ATF6: variants seen among roughly 807,000 people sequenced by gnomAD.
ATF6 encodes cyclic AMP-dependent transcription factor ATF-6 alpha.
In ATF6, 53 loss-of-function variants were observed where a neutral mutation model predicts 83.6. That is an observed-to-expected ratio of 0.63 (90% CI 0.51 to 0.80). The LOEUF is 0.80. Among genes scored for constraint, ATF6 ranks in the 30% least tolerant of loss-of-function variants. The pLI, the probability that ATF6 is intolerant of heterozygous loss-of-function variation, is 0.00. For missense variants in ATF6, 744 were observed against 797.9 expected (o/e 0.93, Z 0.81); for synonymous variants, 288 against 285.8 (o/e 1.01, Z -0.08).
chr1:161,783,933 A>G, intron 3 of ATF6, 57 bp from the exon 4 acceptor site: 1 of 1,238,920 alleles, frequency 8.1e-7, no homozygotes, highest in African/African-American at 1.5e-5. Context: ...TTTCTTGTTC[A>G]TTTTATTATA....
chr1:161,794,443 T>C (rs1283919545), intron 6 of ATF6, among the ~76,000 whole-genome samples: 2 of 152,162 alleles, frequency 1.3e-5, no homozygotes. Flanking sequence ...CTTCACAATT[T>C]GGCTCTAGTT....
intron 14 of ATF6, chr1:161,891,528 A>G (rs573828679): frequency 2.0e-5 from 3 of 152,352 alleles, no homozygotes; most frequent in East Asian, 3.9e-4. Context: ...TTATCGCTGC[A>G]CTGTAGCAGA....
chr1:161,854,343 G>T (rs932960595), intron 12 of ATF6, among the ~76,000 whole-genome samples: 1 of 152,160 alleles, frequency 6.6e-6, no homozygotes, highest in African/African-American at 2.4e-5. Flanking sequence ...GAAATTCTTT[G>T]CTTCTTGCTT....
At chr1:161,797,385 C>G (rs995161818) in intron 6 of ATF6, among the ~76,000 whole-genome samples, 1 of 152,132 alleles carries the variant, frequency 6.6e-6, no homozygotes, top group African/African-American at 2.4e-5. Context: ...CAAACTACCT[C>G]TCTTCACAGA....
intron 15 of ATF6, among the ~76,000 whole-genome samples, chr1:161,918,260 A>AT (rs1361415380): frequency 6.6e-6 from 1 of 152,038 alleles, no homozygotes; most frequent in Non-Finnish European, 1.5e-5. Flanking sequence ...GTTTAATAAT[A>AT]TTTTATATAA....
chr1:161,847,826 G>T (rs560961407), intron 10 of ATF6, among the ~76,000 whole-genome samples: 1 of 152,146 alleles, frequency 6.6e-6, no homozygotes, highest in South Asian at 2.1e-4. Context: ...AATAGAACAA[G>T]TTATGGATTG....
intron 7 of ATF6, among the ~76,000 whole-genome samples, chr1:161,818,044 C>T (rs954780046): frequency 4.2e-5 from 6 of 142,524 alleles, no homozygotes; most frequent in Admixed American, 7.3e-5. Context: ...GAGCTTGCAG[C>T]GGGCCGAGAT....
At position 161,837,941 on chromosome 1, in the gene ATF6, C is replaced by T. The variant is rs376697961; in HGVS notation, c.1188-8508C>T. Among the ~76,000 whole-genome samples the T allele has an allele frequency of 1.2e-3, 183 of 152,222 alleles. 1 individual carries two copies. The highest frequency in any genetic ancestry group is 6.8e-3 in the Middle Eastern group (2 of 294). On this transcript the variant is annotated intron_variant, in intron 9 of 15. Coordinates refer to ENST00000367942, the MANE Select transcript of ATF6 (RefSeq NM_007348.4). ...ATTCCTGATTTACAGATGAGGAAAC[C>T]GAAGACACAGCTAATATGTGGCAGA...
At chr1:161,895,541 G>A (rs1407688279) in intron 14 of ATF6, among the ~76,000 whole-genome samples, 1 of 152,114 alleles carries the variant, frequency 6.6e-6, no homozygotes, top group Non-Finnish European at 1.5e-5. Context: ...ATATTTTTAA[G>A]GCTCTGTTTC....
rs145955221 is a variant in ATF6 at position 161,798,285 on chromosome 1, C to T, written c.689-3767C>T. ...TCATGATGAAGACTCCAAAAGCAAT[C>T]GCAACAAAAACAAAAATTGACAAAT... On this transcript the variant is annotated intron_variant, in intron 6 of 15. Coordinates refer to ENST00000367942, the MANE Select transcript of ATF6 (RefSeq NM_007348.4). Among the ~76,000 whole-genome samples, 1,096 of 152,172 alleles carry T rather than the reference C, an allele frequency of 7.2e-3. 51 individuals carry two copies. Among genetic ancestry groups the T allele is most frequent in the Admixed American group, 0.052 (789 of 15,270 alleles).
At chr1:161,905,650 T>C (rs1173949438) in intron 14 of ATF6, among the ~76,000 whole-genome samples, 1 of 151,984 alleles carries the variant, frequency 6.6e-6, no homozygotes, top group Non-Finnish European at 1.5e-5. Flanking sequence ...TTAAGAAGAC[T>C]TTTTTTTGGA....
At chr1:161,830,003 G>C (rs549455560) in intron 9 of ATF6, among the ~76,000 whole-genome samples, 4 of 152,272 alleles carry the variant, frequency 2.6e-5, no homozygotes, top group Admixed American at 1.3e-4. Flanking sequence ...AGGAAAAGAG[G>C]AAGTCAAATT....
intron 15 of ATF6, among the ~76,000 whole-genome samples, chr1:161,952,554 T>G (rs1024881828): frequency 6.6e-6 from 1 of 152,168 alleles, no homozygotes; most frequent in Non-Finnish European, 1.5e-5. Flanking sequence ...TTAAGCTCCA[T>G]GAGGACAGGA....
At chr1:161,893,189 G>A (rs747377093) in intron 14 of ATF6, among the ~76,000 whole-genome samples, 1 of 151,176 alleles carries the variant, frequency 6.6e-6, no homozygotes, top group Non-Finnish European at 1.5e-5. Context: ...TTTTTGAGAT[G>A]GAGTTTCGCT....
At chr1:161,912,188 T>C in intron 14 of ATF6, 108 bp from the exon 15 acceptor site, 1 of 597,494 alleles carries the variant, frequency 1.7e-6, no homozygotes, top group Non-Finnish European at 2.8e-6. Flanking sequence ...AAAACTATAA[T>C]TTTTCATCAT....
intron 15 of ATF6, among the ~76,000 whole-genome samples, chr1:161,925,415 G>A (rs1260315485): frequency 6.6e-6 from 1 of 151,300 alleles, no homozygotes; most frequent in Non-Finnish European, 1.5e-5. Context: ...TGGATTTTTG[G>A]CCTGAATTTA....
intron 15 of ATF6, among the ~76,000 whole-genome samples, chr1:161,920,294 C>CTCTTTTTTTTTTTTTTTTTT (rs1157916734): frequency 1.6e-4 from 9 of 54,838 alleles, no homozygotes; most frequent in Non-Finnish European, 3.0e-4. Flanking sequence ...CTCTCTCTCT[C>CTCTTTTTTTTTTTTTTTTTT]TTTTTTTTTT....
chr1:161,792,738 C>A (rs1334045557), intron 6 of ATF6, among the ~76,000 whole-genome samples: 1 of 152,198 alleles, frequency 6.6e-6, no homozygotes, highest in Non-Finnish European at 1.5e-5. Flanking sequence ...CACCCTTAAT[C>A]TCTGAGGAGG....
chr1:161,951,635 G>A (rs1688865250), intron 15 of ATF6, among the ~76,000 whole-genome samples: 1 of 152,184 alleles, frequency 6.6e-6, no homozygotes, highest in Non-Finnish European at 1.5e-5. Context: ...ATTACACTTT[G>A]TAACAGATAC....
Sources: allele counts gnomAD v4.1 joint callset (sites outside exome capture counted in the v4.1 genomes callset), GRCh38; gene constraint gnomAD v4.1.1; transcripts MANE v1.5; gene names NCBI Gene and HGNC (gene_info 2026-07-23, HGNC 2026-07-21).